Variants in NFU1 observed in about 807,000 individuals in gnomAD.
NFU1 encodes NFU1 iron-sulfur cluster scaffold homolog, mitochondrial.
A neutral mutation model predicts 32.2 loss-of-function variants in NFU1; 30 were observed. The ratio of observed to expected loss-of-function variants is 0.93; its 90% confidence interval spans 0.70 to 1.26. The LOEUF is 1.26. Ranked by LOEUF, NFU1 falls within the 50% of genes most tolerant of loss-of-function variation. The pLI, the probability that NFU1 is intolerant of heterozygous loss-of-function variation, is 0.00. For synonymous variants in NFU1, 112 were observed against 104.6 expected, an observed-to-expected ratio of 1.07 and a Z score of -0.43; for missense variants, 306 against 306.6, an observed-to-expected ratio of 1.00 and a Z score of 0.02.
chr2:69,432,972 C>A (rs6735037), intron 1 of NFU1, among the ~76,000 whole-genome samples: 102,618 of 151,250 alleles, frequency 0.68, 36,341 homozygotes, highest in African/African-American at 0.9. Context: ...CAACATGGTG[C>A]AACTCCATCT....
At chr2:69,418,754 C>T (rs2104779881) in intron 4 of NFU1, among the ~76,000 whole-genome samples, 1 of 151,910 alleles carries the variant, frequency 6.6e-6, no homozygotes, top group South Asian at 2.1e-4. Flanking sequence ...CAGGCGTGAG[C>T]CACCACACCC....
chr2:69,423,776 C>CA, intron 2 of NFU1, 59 bp from the exon 3 acceptor site: 1 of 1,226,870 alleles, frequency 8.2e-7, no homozygotes, highest in Non-Finnish European at 1.2e-6. Flanking sequence ...AGTTTATGGA[C>CA]TATGAAGTGC....
Position 69,415,292 on chromosome 2 carries a change from T to G in NFU1, c.377A>C (p.Glu126Ala), listed in dbSNP as rs930758906. The G allele has an allele frequency of 4.4e-6, 7 of 1,583,238 alleles. No individual in the cohort carries two copies. The South Asian group carries it at 6.7e-5, about 15-fold the overall frequency. Residue 126 changes from glutamate to alanine, a missense_variant, in exon 5 of 8, where the codon GAA becomes GCA. Coordinates refer to ENST00000410022, the MANE Select transcript of NFU1 (RefSeq NM_001002755.4). The stretch of plus-strand genomic sequence containing the variant: ...TTTCAGTAAATTCCAGTCTAATTCT[T>G]CATTTTCCTATAAACATTTAAAGGA... ...PDFITVTKEN[E>A]ELDWNLLKPD...
At chr2:69,414,446 C>T (rs1290325988) in intron 5 of NFU1, among the ~76,000 whole-genome samples, 1 of 151,616 alleles carries the variant, frequency 6.6e-6, no homozygotes, top group African/African-American at 2.4e-5. Context: ...GATGAAACCC[C>T]ATCTCTACTA....
At chr2:69,417,137 C>T (rs1000884598) in intron 4 of NFU1, among the ~76,000 whole-genome samples, 1 of 151,564 alleles carries the variant, frequency 6.6e-6, no homozygotes, top group Non-Finnish European at 1.5e-5. Context: ...CTAAAGTTGT[C>T]TGAATGAGAA....
chr2:69,404,554 T>C (rs761322196), intron 6 of NFU1, among the ~76,000 whole-genome samples: 16 of 149,518 alleles, frequency 1.1e-4, no homozygotes, highest in Non-Finnish European at 1.6e-4. Flanking sequence ...TACTAACATA[T>C]ACATTACCTC....
intron 1 of NFU1, 169 bp downstream of exon 1, chr2:69,437,192 C>T: frequency 1.4e-6 from 2 of 1,409,232 alleles, no homozygotes; most frequent in Middle Eastern, 1.9e-4. Context: ...CGCCGAGCTC[C>T]CGCACAGACA....
rs540878843 is a variant in NFU1, at chr2:69,423,210, G to T, written c.302+372C>A. On this transcript the variant is annotated intron_variant, in intron 3 of 7. Transcript: ENST00000410022. ...GTGAGATGGGCTGTGTGTGTGTGTG[G>T]GGGGGGGCGGGTAGAGATGGGCTCT... Among the ~76,000 whole-genome samples, 102 of 105,778 alleles carry T rather than the reference G, an allele frequency of 9.6e-4. 1 individual carries two copies. Among genetic ancestry groups the T allele is most frequent in the South Asian group, 1.8e-3 (6 of 3,372 alleles). 69.4% of individuals were successfully genotyped at this position (105,778 alleles called of 152,430 possible).
At chr2:69,395,966 G>A (rs1247459532), downstream of NFU1, 4 of 302,596 alleles carry the variant, frequency 1.3e-5, no homozygotes, top group South Asian at 1.1e-4. Context: ...TAGATGGGGG[G>A]AAATGTATTT....
intron 4 of NFU1, among the ~76,000 whole-genome samples, chr2:69,416,716 T>G (rs12618636): frequency 0.13 from 19,813 of 152,004 alleles, 1,430 homozygotes; most frequent in Non-Finnish European, 0.16. Context: ...CTGGCCAACA[T>G]GGTGAAAACC....
chr2:69,437,982 T>C (rs1271151733), upstream of NFU1, among the ~76,000 whole-genome samples: 1 of 152,224 alleles, frequency 6.6e-6, no homozygotes, highest in Non-Finnish European at 1.5e-5. Context: ...ATGTATCTGG[T>C]ACAGTGCTGC....
chr2:69,402,038 C>G (rs1672539052), intron 6 of NFU1, among the ~76,000 whole-genome samples: 2 of 151,994 alleles, frequency 1.3e-5, no homozygotes, highest in African/African-American at 4.8e-5. Flanking sequence ...GGATCACAGG[C>G]ATGCACCAAT....
chr2:69,400,328 G>GA lies in NFU1; in HGVS notation c.720+35dup, dbSNP rs749060711. The GA allele has an allele frequency of 1.4e-5, 23 of 1,586,940 alleles. 1 individual carries two copies. In the South Asian group the frequency reaches 2.3e-4, roughly 16 times the overall value. Reference sequence around the variant, plus strand: ...GTATCTACAAAGAAAAAGAAAAAATGAAAAAAATCTAGACTGTCATATAAT... The same window carrying GA: ...GTATCTACAAAGAAAAAGAAAAAATGAAAAAAAATCTAGACTGTCATATAAT... On this transcript the variant is annotated intron_variant, in intron 7 of 7. Coordinates refer to ENST00000410022, the MANE Select transcript of NFU1 (RefSeq NM_001002755.4).
At chr2:69,402,509 T>G (rs1672555295) in intron 6 of NFU1, among the ~76,000 whole-genome samples, 1 of 152,210 alleles carries the variant, frequency 6.6e-6, no homozygotes, top group Non-Finnish European at 1.5e-5. Context: ...CATCTTCTGA[T>G]GAAGAGACAG....
At chr2:69,408,733 T>TA (rs1314360134) in intron 5 of NFU1, among the ~76,000 whole-genome samples, 11 of 45,532 alleles carry the variant, frequency 2.4e-4, no homozygotes, top group African/African-American at 1.3e-3. Context: ...AATATAAAAT[T>TA]TTATATATAT....
At chr2:69,435,265 G>A (rs1673791745) in intron 1 of NFU1, among the ~76,000 whole-genome samples, 1 of 152,194 alleles carries the variant, frequency 6.6e-6, no homozygotes, top group South Asian at 2.1e-4. Context: ...CAGTCTAGAG[G>A]TTAAAGGCAA....
rs751635934 is a variant in NFU1, at chr2:69,415,224, A to ACCCCT, written c.444_445insAGGGG (p.Leu149ArgfsTer26). 1.2e-6 allele frequency: 2 copies of ACCCCT among 1,612,570 alleles called. No homozygotes were observed. Among genetic ancestry groups the ACCCCT allele is most frequent in the Middle Eastern group, 1.7e-4 (1 of 6,040 alleles). On this transcript the variant is annotated frameshift_variant, in exon 5 of 8. Transcript: ENST00000410022. LOFTEE classifies it high-confidence loss of function. ...GGTGTTTCCTCAGTAACCAGGGGTA[A>ACCCCT]GCCAGATGCAAAGAAGTCCATGATT...
intron 4 of NFU1, among the ~76,000 whole-genome samples, chr2:69,417,443 G>C (rs1348235556): frequency 6.7e-6 from 1 of 149,378 alleles, no homozygotes; most frequent in Admixed American, 6.7e-5. Flanking sequence ...AGGAGTTTGA[G>C]ACCAGCCTGG....
chr2:69,398,348 A>AT (rs1672404348), intron 7 of NFU1, among the ~76,000 whole-genome samples: 1 of 152,176 alleles, frequency 6.6e-6, no homozygotes, highest in Non-Finnish European at 1.5e-5. Flanking sequence ...TGGGGGATGG[A>AT]TAAAAACTTC....
Sources: gnomAD v4.1 joint callset for allele counts (sites outside exome capture counted in the v4.1 genomes callset) on GRCh38, gnomAD v4.1.1 for gene constraint, MANE v1.5 for transcripts, NCBI Gene and HGNC (gene_info 2026-07-23, HGNC 2026-07-21) for gene names.